WDR47: variants seen among roughly 807,000 people sequenced by gnomAD.
WDR47 encodes the protein WD repeat-containing protein 47.
In WDR47, 32 loss-of-function variants were observed where a neutral mutation model predicts 97.2. That is an observed-to-expected ratio of 0.33 (90% CI 0.25 to 0.44). The LOEUF (loss-of-function observed/expected upper bound fraction) is 0.44. Ranked by LOEUF, WDR47 falls within the 20% of genes least tolerant of loss-of-function variation. The pLI is 1.00. For synonymous variants in WDR47, 375 were observed against 373.5 expected, an observed-to-expected ratio of 1.00 and a Z score of -0.05; for missense variants, 782 against 1,102.3, an observed-to-expected ratio of 0.71 and a Z score of 4.11.
chr1:109,031,455 T>G (rs1314402895), intron 1 of WDR47, among the ~76,000 whole-genome samples: 1 of 139,254 alleles, frequency 7.2e-6, no homozygotes, highest in African/African-American at 2.6e-5. Flanking sequence ...GAAGGAAAAC[T>G]AGATAAGAAT....
intron 8 of WDR47, among the ~76,000 whole-genome samples, chr1:108,993,216 T>C (rs765820828): frequency 1.3e-5 from 2 of 151,692 alleles, no homozygotes; most frequent in East Asian, 3.9e-4. Flanking sequence ...TCCCAGCTAG[T>C]AGGGTAGCTT....
At chr1:109,027,209 C>G (rs1662272730) in intron 1 of WDR47, among the ~76,000 whole-genome samples, 1 of 152,012 alleles carries the variant, frequency 6.6e-6, no homozygotes, top group East Asian at 1.9e-4. Context: ...CGTGCACTTA[C>G]ACAACCGGCT....
At chr1:109,007,073 G>A (rs1463198347) in intron 5 of WDR47, among the ~76,000 whole-genome samples, 1 of 151,740 alleles carries the variant, frequency 6.6e-6, no homozygotes, top group African/African-American at 2.4e-5. Context: ...AAGTAGCTGT[G>A]ACTACAGGCA....
At chr1:108,989,604 T>G (rs1345440113) in intron 9 of WDR47, among the ~76,000 whole-genome samples, 1 of 152,210 alleles carries the variant, frequency 6.6e-6, no homozygotes, top group African/African-American at 2.4e-5. Context: ...AACGACTAAT[T>G]AACTAAATGG....
chr1:109,019,600 G>A (rs894931813), intron 2 of WDR47, among the ~76,000 whole-genome samples: 3 of 151,990 alleles, frequency 2.0e-5, no homozygotes, highest in Non-Finnish European at 2.9e-5. Context: ...TGGGGATGCC[G>A]TTAACATCCT....
chr1:109,006,362 CA>C (rs5776961), intron 5 of WDR47, among the ~76,000 whole-genome samples: 27,226 of 152,042 alleles, frequency 0.18, 2,830 homozygotes, highest in Admixed American at 0.27. Flanking sequence ...CATTGCAGTC[CA>C]GCCTGGGCAA....
chr1:108,970,294 A>T lies in WDR47; in HGVS notation c.*1136T>A, dbSNP rs1657362226. On this transcript the variant is annotated 3_prime_UTR_variant, in exon 15 of 15. Coordinates refer to ENST00000369962, the MANE Select transcript of WDR47 (RefSeq NM_001142551.2). ...CCTTTCCACTTGTATACAACAGATG[A>T]AAAATGCTTGCTACATACAGTGCAC... 6.6e-6 allele frequency: 1 copy of T among 152,638 alleles called. No homozygotes were observed. Among genetic ancestry groups the T allele is most frequent in the Non-Finnish European group, 1.5e-5 (1 of 68,038 alleles). The allele number at this position is 152,638 out of a possible 1,614,324, so 9.5% of individuals were successfully genotyped here. A position where few individuals can be genotyped will look rare whatever the true frequency, so the allele number is the denominator to read the frequency against.
chr1:109,026,967 T>C (rs1461638903), intron 1 of WDR47, among the ~76,000 whole-genome samples: 1 of 152,146 alleles, frequency 6.6e-6, no homozygotes, highest in African/African-American at 2.4e-5. Flanking sequence ...GTTCAAGTTT[T>C]CTTTTTAAAA....
At chr1:108,987,472 TTTTG>T (rs1188152691) in intron 9 of WDR47, among the ~76,000 whole-genome samples, 1 of 147,068 alleles carries the variant, frequency 6.8e-6, no homozygotes, top group Non-Finnish European at 1.5e-5. Flanking sequence ...TTTTGTTTTG[TTTTG>T]TTTGTTTTTG....
chr1:109,003,992 C>T (rs978590542), intron 6 of WDR47, among the ~76,000 whole-genome samples: 2 of 152,052 alleles, frequency 1.3e-5, no homozygotes, highest in Admixed American at 1.3e-4. Flanking sequence ...CGGCCGGGCG[C>T]GGTGGCTCAA....
intron 9 of WDR47, among the ~76,000 whole-genome samples, chr1:108,990,622 T>C (rs1432906397): frequency 1.3e-5 from 2 of 152,194 alleles, no homozygotes; most frequent in African/African-American, 4.8e-5. Flanking sequence ...TATTAATTTA[T>C]GTTATCTATT....
At chr1:109,035,547 G>A (rs1571265396) in intron 1 of WDR47, among the ~76,000 whole-genome samples, 1 of 150,250 alleles carries the variant, frequency 6.7e-6, no homozygotes, top group African/African-American at 2.5e-5. Context: ...GCCCAGGCTG[G>A]AGTGCAGTGG....
intron 9 of WDR47, among the ~76,000 whole-genome samples, chr1:108,990,725 T>C (rs947785589): frequency 6.6e-6 from 1 of 151,836 alleles, no homozygotes; most frequent in Non-Finnish European, 1.5e-5. Context: ...GTATACTAGC[T>C]AGGAAAGGAT....
At chr1:108,990,310 G>T (rs965831018) in intron 9 of WDR47, among the ~76,000 whole-genome samples, 1 of 152,094 alleles carries the variant, frequency 6.6e-6, no homozygotes, top group Non-Finnish European at 1.5e-5. Context: ...CTGGGTTAAA[G>T]CAATTCTCGT....
chr1:108,981,516 T>C (rs548120030), intron 13 of WDR47, among the ~76,000 whole-genome samples: 1 of 152,336 alleles, frequency 6.6e-6, no homozygotes, highest in South Asian at 2.1e-4. Flanking sequence ...TGGGACATTA[T>C]ATTTAATCTC....
At chr1:109,000,877 C>G (rs1371737801) in intron 7 of WDR47, among the ~76,000 whole-genome samples, 1 of 152,100 alleles carries the variant, frequency 6.6e-6, no homozygotes, top group Non-Finnish European at 1.5e-5. Context: ...TGACAATAGC[C>G]AACATTTATA....
chr1:109,035,259 A>C (rs917580478), intron 1 of WDR47, among the ~76,000 whole-genome samples: 52 of 151,376 alleles, frequency 3.4e-4, no homozygotes, highest in African/African-American at 1.2e-3. Context: ...AAAAAAAAAA[A>C]AAAAAAACCC....
At chr1:108,991,933 G>A (rs1009628079) in intron 8 of WDR47, among the ~76,000 whole-genome samples, 2 of 152,068 alleles carry the variant, frequency 1.3e-5, no homozygotes, top group African/African-American at 4.8e-5. Context: ...AGATTGCTGG[G>A]ATTACAGGTG....
chr1:109,009,258 C>T (rs1426199202), intron 5 of WDR47, among the ~76,000 whole-genome samples: 2 of 152,154 alleles, frequency 1.3e-5, no homozygotes, highest in Admixed American at 1.3e-4. Flanking sequence ...TGCGCCAACT[C>T]TAAGTTACAG....
Sources: gnomAD v4.1 joint callset for allele counts (sites outside exome capture counted in the v4.1 genomes callset) on GRCh38, gnomAD v4.1.1 for gene constraint, MANE v1.5 for transcripts, NCBI Gene and HGNC (gene_info 2026-07-23, HGNC 2026-07-21) for gene names.